ZNF618: variants seen among roughly 807,000 people sequenced by gnomAD.
ZNF618 encodes the protein zinc finger protein 618, also known as neural precursor cell expressed, developmentally down-regulated 10.
ZNF618 carries 34 observed loss-of-function variants against 103.0 expected under a neutral mutation model. The ratio of observed to expected loss-of-function variants is 0.33; its 90% confidence interval spans 0.25 to 0.44. The LOEUF is 0.44. ZNF618 is among the 20% of genes least tolerant of loss of function. ZNF618 has a pLI of 1.00. For missense variants in ZNF618, 1,059 were observed against 1,295.4 expected, an observed-to-expected ratio of 0.82 and a Z score of 2.80; for synonymous variants, 551 against 542.2, an observed-to-expected ratio of 1.02 and a Z score of -0.23.
At chr9:114,038,041 A>G (rs1253623228) in intron 13 of ZNF618, among the ~76,000 whole-genome samples, 1 of 151,974 alleles carries the variant, frequency 6.6e-6, no homozygotes, top group Non-Finnish European at 1.5e-5. Flanking sequence ...GCTGTGCCTC[A>G]CCAGGGAAGG....
At chr9:114,028,690 C>T (rs1450153093) in intron 10 of ZNF618, 43 bp from the exon 11 acceptor site, 14 of 1,527,332 alleles carry the variant, frequency 9.2e-6, no homozygotes, top group Middle Eastern at 1.7e-4. Context: ...CTCACTCTGC[C>T]GGCTGGGAGG....
intron 12 of ZNF618, 57 bp downstream of exon 12, chr9:114,032,785 C>A (rs1242550524): frequency 1.4e-5 from 21 of 1,486,532 alleles, no homozygotes; most frequent in African/African-American, 2.8e-5. Context: ...CGCCCGCTCC[C>A]CCCTGGCAGC....
chr9:113,969,782 G>A (rs756591130), intron 2 of ZNF618, among the ~76,000 whole-genome samples: 1 of 152,310 alleles, frequency 6.6e-6, no homozygotes, highest in African/African-American at 2.4e-5. Flanking sequence ...CACCCATGCT[G>A]CCGCTGCTGT....
At chr9:113,917,339 G>A (rs1278047981) in intron 1 of ZNF618, among the ~76,000 whole-genome samples, 1 of 146,530 alleles carries the variant, frequency 6.8e-6, no homozygotes, top group African/African-American at 2.5e-5. Flanking sequence ...ACTACCTCCC[G>A]GGCTCAACTG....
chr9:114,012,863 A>G (rs1483810741), intron 9 of ZNF618, among the ~76,000 whole-genome samples: 1 of 152,168 alleles, frequency 6.6e-6, no homozygotes, highest in African/African-American at 2.4e-5. Flanking sequence ...AATAGAAGAA[A>G]AATTTGCTTA....
intron 3 of ZNF618, among the ~76,000 whole-genome samples, chr9:113,992,694 C>T (rs945443834): frequency 1.3e-4 from 20 of 150,358 alleles, no homozygotes; most frequent in East Asian, 4.0e-4. Context: ...GGAGCCTCCC[C>T]GAGTCCACAC....
intron 1 of ZNF618, among the ~76,000 whole-genome samples, chr9:113,967,862 C>CA (rs1837561921): frequency 6.6e-6 from 1 of 152,152 alleles, no homozygotes; most frequent in Admixed American, 6.5e-5. Context: ...AGCTGCCTGT[C>CA]ACCATGTAGG....
intron 2 of ZNF618, 122 bp downstream of exon 2, chr9:113,969,282 C>G: frequency 2.4e-6 from 3 of 1,244,108 alleles, no homozygotes; most frequent in Non-Finnish European, 3.5e-6. Flanking sequence ...GCCAGCCCTC[C>G]TTGGCAAGAA....
chr9:113,958,647 G>A (rs534973691), intron 1 of ZNF618, among the ~76,000 whole-genome samples: 1 of 152,330 alleles, frequency 6.6e-6, no homozygotes, highest in African/African-American at 2.4e-5. Flanking sequence ...CCATTCACAC[G>A]TTTGTGCCCA....
chr9:114,037,999 C>T (rs1015480858), intron 13 of ZNF618, among the ~76,000 whole-genome samples: 3 of 152,196 alleles, frequency 2.0e-5, no homozygotes, highest in Non-Finnish European at 4.4e-5. Context: ...CCCCACACCA[C>T]GCTTCCCGCC....
At chr9:113,952,350 C>CT (rs1835854860) in intron 1 of ZNF618, among the ~76,000 whole-genome samples, 1 of 152,208 alleles carries the variant, frequency 6.6e-6, no homozygotes, top group Non-Finnish European at 1.5e-5. Context: ...TCCCTGCACA[C>CT]TGAGTAGCTG....
intron 1 of ZNF618, among the ~76,000 whole-genome samples, chr9:113,941,326 G>A (rs1306688968): frequency 2.0e-5 from 3 of 151,988 alleles, no homozygotes. Flanking sequence ...TTTCTGCATT[G>A]TTTTTGGGGG....
At chr9:113,888,818 C>T (rs1283439824) in intron 1 of ZNF618, among the ~76,000 whole-genome samples, 1 of 152,118 alleles carries the variant, frequency 6.6e-6, no homozygotes, top group Non-Finnish European at 1.5e-5. Flanking sequence ...TTAGTTTGGG[C>T]AGGAGGGCAG....
At chr9:113,936,069 T>C (rs935651129) in intron 1 of ZNF618, among the ~76,000 whole-genome samples, 3 of 152,132 alleles carry the variant, frequency 2.0e-5, no homozygotes, top group African/African-American at 7.2e-5. Context: ...ATCCTCCTGC[T>C]TCAGCCTCCC....
intron 1 of ZNF618, among the ~76,000 whole-genome samples, chr9:113,911,933 T>C (rs551443172): frequency 5.3e-4 from 80 of 152,340 alleles, no homozygotes; most frequent in Non-Finnish European, 9.3e-4. Context: ...GGAGTCTTGT[T>C]GATCACCCAG....
rs1789109384 is a variant in ZNF618 at position 114,040,941 on chromosome 9, C to G, written c.1246+4564C>G. Among the ~76,000 whole-genome samples the G allele has an allele frequency of 2.0e-5, 3 of 152,298 alleles. No homozygotes were observed. In the South Asian group the frequency reaches 6.2e-4, roughly 32 times the overall value. On this transcript the variant is annotated intron_variant, in intron 13 of 14. Transcript: ENST00000374126. ...ACAATGGTTGAACTAGTTTACAGTC[C>G]CACCAACAGTGTAAAAGTGTTCCTA...
chr9:114,008,413 G>A (rs372726119), intron 8 of ZNF618, 34 bp downstream of exon 8: 1 of 1,613,994 alleles, frequency 6.2e-7, no homozygotes, highest in Non-Finnish European at 8.5e-7. Flanking sequence ...CACCTCCCCT[G>A]TCCCCGGCTG....
intron 1 of ZNF618, among the ~76,000 whole-genome samples, chr9:113,949,487 C>T (rs1835342385): frequency 6.6e-6 from 1 of 152,224 alleles, no homozygotes; most frequent in Non-Finnish European, 1.5e-5. Flanking sequence ...ATCCCTACCA[C>T]TGGGTCATCC....
At chr9:113,895,356 G>A (rs1829948296) in intron 1 of ZNF618, among the ~76,000 whole-genome samples, 1 of 152,014 alleles carries the variant, frequency 6.6e-6, no homozygotes, top group Admixed American at 6.6e-5. Context: ...ATCTGCCGAT[G>A]TGATGAATTA....
Sources: allele counts gnomAD v4.1 joint callset (sites outside exome capture counted in the v4.1 genomes callset), GRCh38; gene constraint gnomAD v4.1.1; transcripts MANE v1.5; gene names NCBI Gene and HGNC (gene_info 2026-07-23, HGNC 2026-07-21).